The following SHISA9 variants were observed in gnomAD, a reference collection of about 807,000 sequenced individuals.
The protein encoded by SHISA9 is shisa family member 9.
In SHISA9, 13 loss-of-function variants were observed where a neutral mutation model predicts 38.0. That is an observed-to-expected ratio of 0.34 (90% CI 0.22 to 0.54). The LOEUF (loss-of-function observed/expected upper bound fraction) is 0.54. SHISA9 is among the 20% of genes least tolerant of loss of function. SHISA9 has a pLI of 0.91. For missense variants in SHISA9, 538 were observed against 575.8 expected (o/e 0.93, Z 0.67); for synonymous variants, 275 against 242.0 (o/e 1.14, Z -1.27).
chr16:13,556,314 T>A, the SHISA9 span, among the ~76,000 whole-genome samples: 2 of 152,206 alleles, frequency 1.3e-5, no homozygotes, highest in Non-Finnish European at 2.9e-5. Flanking sequence ...AACTAGTAGA[T>A]GCCAGGATTC....
chr16:13,453,559 A>C, the SHISA9 span, among the ~76,000 whole-genome samples: 5 of 152,148 alleles, frequency 3.3e-5, no homozygotes, highest in African/African-American at 7.2e-5. Flanking sequence ...AACAAAGCCA[A>C]ATTGCCCCAG....
intron 2 of SHISA9, among the ~76,000 whole-genome samples, chr16:13,071,598 TTCCCTTTC>T (rs2073517625): frequency 7.0e-6 from 1 of 143,276 alleles, no homozygotes; most frequent in Admixed American, 7.2e-5. Flanking sequence ...CCTTCCTTCC[TTCCCTTTC>T]TTCCCTTCCT....
At chr16:13,535,500 C>T in the SHISA9 span, among the ~76,000 whole-genome samples, 1 of 152,196 alleles carries the variant, frequency 6.6e-6, no homozygotes, top group Non-Finnish European at 1.5e-5. Context: ...AGCCAGCAAC[C>T]TGTTCTTGGA....
intron 2 of SHISA9, among the ~76,000 whole-genome samples, chr16:13,039,351 G>A (rs1272777805): frequency 6.6e-6 from 1 of 152,172 alleles, no homozygotes; most frequent in African/African-American, 2.4e-5. Flanking sequence ...GGAATTTGAG[G>A]CTGAGAGAGG....
chr16:12,975,819 C>G (rs1172365826), intron 2 of SHISA9, among the ~76,000 whole-genome samples: 5 of 151,622 alleles, frequency 3.3e-5, no homozygotes, highest in African/African-American at 1.2e-4. Flanking sequence ...GGACTTGAAG[C>G]CATGCTTAGT....
At chr16:13,279,432 C>A in the SHISA9 span, among the ~76,000 whole-genome samples, 1 of 151,846 alleles carries the variant, frequency 6.6e-6, no homozygotes, top group African/African-American at 2.4e-5. Flanking sequence ...TAGTTTAAAT[C>A]CATTGTCGCT....
downstream of SHISA9, among the ~76,000 whole-genome samples, chr16:13,245,296 T>G (rs2051463757): frequency 6.6e-6 from 1 of 152,140 alleles, no homozygotes; most frequent in Non-Finnish European, 1.5e-5. Context: ...ATATATTTTC[T>G]CCCACCTACT....
the SHISA9 span, among the ~76,000 whole-genome samples, chr16:13,386,404 C>T: frequency 5.3e-4 from 80 of 152,184 alleles, 2 homozygotes; most frequent in East Asian, 0.014. Context: ...AAGAAATGGC[C>T]CTTTGAATTC....
chr16:12,937,571 C>T (rs984446736), intron 2 of SHISA9, among the ~76,000 whole-genome samples: 9 of 152,294 alleles, frequency 5.9e-5, no homozygotes, highest in African/African-American at 2.2e-4. Context: ...ACATACCAGA[C>T]CAAGTCCATC....
chr16:13,429,893 A>G, the SHISA9 span, among the ~76,000 whole-genome samples: 3 of 152,334 alleles, frequency 2.0e-5, no homozygotes, highest in East Asian at 5.8e-4. Flanking sequence ...CCCCAAATGT[A>G]TATGTTGAAG....
intron 2 of SHISA9, among the ~76,000 whole-genome samples, chr16:13,071,926 G>A (rs867348479): frequency 1.2e-4 from 19 of 152,126 alleles, no homozygotes; most frequent in Middle Eastern, 3.4e-3. Context: ...AATTATAGGT[G>A]TGACCCACCG....
chr16:12,916,767 G>A lies in SHISA9; in HGVS notation c.643G>A (p.Val215Ile), dbSNP rs1160840228. The change falls in exon 2 of 5, where the codon GTC becomes ATC. Residue 215 changes from valine (V) to isoleucine (I), a missense_variant. Val to Ile is a conservative substitution (Grantham distance 29). Coordinates refer to ENST00000558583, the MANE Select transcript of SHISA9 (RefSeq NM_001145204.3). ...GAGAGACCTAAACATCGTTGTCCAC[G>A]TCCAGCATTATGAGAACATGGACAC... Reference protein sequence around the residue: ...MERDLNIVVHVQHYENMDTRT... With the variant: ...MERDLNIVVHIQHYENMDTRT... 8 of 1,551,912 alleles carry A rather than the reference G, an allele frequency of 5.2e-6. No individual in the cohort carries two copies. In the African/African-American group the frequency reaches 8.2e-5, roughly 16 times the overall value.
chr16:13,532,722 C>T, the SHISA9 span, among the ~76,000 whole-genome samples: 3 of 152,114 alleles, frequency 2.0e-5, no homozygotes, highest in African/African-American at 7.2e-5. Context: ...TCCAACATTT[C>T]AGTTTCTTTC....
chr16:13,478,048 C>T, the SHISA9 span, among the ~76,000 whole-genome samples: 7 of 152,168 alleles, frequency 4.6e-5, no homozygotes, highest in Admixed American at 1.3e-4. Flanking sequence ...ACATTCTGAT[C>T]ATGGATCCTG....
intron 2 of SHISA9, among the ~76,000 whole-genome samples, chr16:12,922,558 T>C (rs1229644237): frequency 1.3e-5 from 2 of 152,224 alleles, no homozygotes; most frequent in African/African-American, 2.4e-5. Context: ...CTCGCTCTGT[T>C]ACCCAGGTTG....
intron 2 of SHISA9, among the ~76,000 whole-genome samples, chr16:13,068,339 G>C (rs1293283873): frequency 6.6e-6 from 1 of 152,176 alleles, no homozygotes; most frequent in Non-Finnish European, 1.5e-5. Context: ...AATGCAAATA[G>C]TTGTTTTTAC....
At chr16:13,413,929 C>T in the SHISA9 span, among the ~76,000 whole-genome samples, 1 of 152,096 alleles carries the variant, frequency 6.6e-6, no homozygotes, top group African/African-American at 2.4e-5. Flanking sequence ...TCAGTTTATT[C>T]CATTGACTAA....
chr16:13,223,719 G>C (rs187007642), intron 4 of SHISA9, among the ~76,000 whole-genome samples: 1 of 152,306 alleles, frequency 6.6e-6, no homozygotes. Context: ...CCACTTGGCT[G>C]GGGAGGCCTC....
chr16:13,339,165 CTTTTTTT>C, the SHISA9 span, among the ~76,000 whole-genome samples: 2 of 132,856 alleles, frequency 1.5e-5, no homozygotes, highest in African/African-American at 2.8e-5. Flanking sequence ...CTTATTGTGA[CTTTTTTT>C]TTTTTTTTTT....
Sources: gnomAD v4.1 joint callset for allele counts (sites outside exome capture counted in the v4.1 genomes callset) on GRCh38, gnomAD v4.1.1 for gene constraint, MANE v1.5 for transcripts, NCBI Gene and HGNC (gene_info 2026-07-23, HGNC 2026-07-21) for gene names.